The following LAMB1 variants were observed in gnomAD, a reference collection of about 807,000 sequenced individuals.
LAMB1 encodes the protein laminin subunit beta-1.
LAMB1 carries 121 observed loss-of-function variants against 222.3 expected under a neutral mutation model. The ratio of observed to expected loss-of-function variants is 0.54; its 90% CI spans 0.47 to 0.63. The LOEUF is 0.63. Ranked by LOEUF, LAMB1 falls within the 30% of genes least tolerant of loss-of-function variation. The probability of loss-of-function intolerance (pLI) is 0.00; values close to 1 mark genes in which losing one functional copy is unlikely to be tolerated. For missense variants in LAMB1, 2,172 were observed against 2,240.8 expected, an observed-to-expected ratio of 0.97 and a Z score of 0.62; for synonymous variants, 794 against 807.2, an observed-to-expected ratio of 0.98 and a Z score of 0.28.
chr7:107,955,374 G>T, intron 21 of LAMB1, 93 bp downstream of exon 21: 1 of 1,087,770 alleles, frequency 9.2e-7, no homozygotes, highest in Non-Finnish European at 1.3e-6. Context: ...AGACTTAATT[G>T]GTTCACTTTG....
At chr7:107,984,023 A>T (rs1278600886) in intron 7 of LAMB1, among the ~76,000 whole-genome samples, 2 of 152,220 alleles carry the variant, frequency 1.3e-5, no homozygotes, top group Non-Finnish European at 2.9e-5. Context: ...TTAAACGGAA[A>T]TGCAACCCTC....
At chr7:107,962,542 C>T (rs1051141537) in intron 15 of LAMB1, among the ~76,000 whole-genome samples, 2 of 151,906 alleles carry the variant, frequency 1.3e-5, no homozygotes, top group East Asian at 1.9e-4. Flanking sequence ...GGCGAAACCC[C>T]GTCTCTATTA....
chr7:107,982,172 G>A (rs1393873868), intron 7 of LAMB1, among the ~76,000 whole-genome samples: 1 of 152,190 alleles, frequency 6.6e-6, no homozygotes, highest in African/African-American at 2.4e-5. Flanking sequence ...CAAACGAAGA[G>A]CCATTCAACC....
In LAMB1 at chr7:107,923,815, GTACTT is replaced by G. The variant is rs1356891475; in HGVS notation, c.*131_*135del. The G allele has an allele frequency of 7.6e-6, 6 of 785,214 alleles. No homozygotes were observed. Among genetic ancestry groups the G allele is most frequent in the South Asian group, 3.8e-5 (2 of 52,158 alleles). 48.6% of individuals were successfully genotyped at this position (785,214 alleles called of 1,614,324 possible). A position where few individuals can be genotyped will look rare whatever the true frequency, so the allele number is the denominator to read the frequency against. Reference sequence around the variant, plus strand: ...ACACCAAAATATATACAAAAGCACTGTACTTTATTTAACTCCATACAAAATGTGAT... The same window carrying G: ...ACACCAAAATATATACAAAAGCACTGTATTTAACTCCATACAAAATGTGAT... On this transcript the variant is annotated 3_prime_UTR_variant, in exon 34 of 34. Coordinates refer to ENST00000222399, the MANE Select transcript of LAMB1 (RefSeq NM_002291.3).
At chr7:107,985,683 C>T (rs1356552253) in intron 7 of LAMB1, among the ~76,000 whole-genome samples, 1 of 151,400 alleles carries the variant, frequency 6.6e-6, no homozygotes, top group South Asian at 2.1e-4. Flanking sequence ...TTGGGTCAGG[C>T]GTGGTGGCTC....
chr7:108,000,519 G>T (rs947786519), intron 3 of LAMB1, among the ~76,000 whole-genome samples: 6 of 152,334 alleles, frequency 3.9e-5, no homozygotes, highest in African/African-American at 1.4e-4. Flanking sequence ...TTCTGCTTTT[G>T]TTAGAGGCCA....
chr7:107,946,318 T>G (rs1456462145), intron 24 of LAMB1, among the ~76,000 whole-genome samples: 1 of 152,258 alleles, frequency 6.6e-6, no homozygotes, highest in Non-Finnish European at 1.5e-5. Context: ...TTTTCCCTTT[T>G]TGGCCTCAGT....
intron 5 of LAMB1, among the ~76,000 whole-genome samples, chr7:107,989,754 G>C (rs2034145701): frequency 6.6e-6 from 1 of 152,098 alleles, no homozygotes; most frequent in African/African-American, 2.4e-5. Context: ...AGGTCTAATC[G>C]GACTTCTCTG....
Position 107,959,936 on chromosome 7 carries a change from G to C in LAMB1, c.2315-102C>G, listed in dbSNP as rs1293303743. The C allele has an allele frequency of 3.5e-6, 5 of 1,422,918 alleles. No individual in the cohort carries two copies. In the African/African-American group the frequency reaches 7.1e-5, roughly 20 times the overall value. The allele number at this position is 1,422,918 out of a possible 1,614,324, so 88.1% of individuals were successfully genotyped here. On this transcript the variant is annotated intron_variant, in intron 18 of 33. Coordinates refer to ENST00000222399, the MANE Select transcript of LAMB1 (RefSeq NM_002291.3). Reference sequence around the variant, plus strand: ...ACTACTTTGGATTATTCAGAGTTCTGGTTTAAAACAGTATCATCCCTATGA... The same window carrying C: ...ACTACTTTGGATTATTCAGAGTTCTCGTTTAAAACAGTATCATCCCTATGA...
intron 14 of LAMB1, among the ~76,000 whole-genome samples, chr7:107,964,266 G>C (rs926254684): frequency 6.6e-6 from 1 of 152,208 alleles, no homozygotes; most frequent in Non-Finnish European, 1.5e-5. Context: ...ATGCTAGGTT[G>C]ATAACTTTGG....
chr7:107,929,424 GCTT>G lies in LAMB1; in HGVS notation c.4730_4732del (p.Glu1577del), dbSNP rs1336466071. ...TGTCTTTAGATACCTTGCTCTTTTA[GCTT>G]CTTCTAACAACATCTCAGCTCTGGC... On this transcript the variant is annotated inframe_deletion, in exon 30 of 34. Transcript: ENST00000222399. 1.4e-5 allele frequency: 22 copies of G among 1,613,768 alleles called. No individual in the cohort carries two copies. The highest frequency in any genetic ancestry group is 2.2e-5 in the East Asian group (1 of 44,852).
chr7:107,927,772 GAA>G (rs1327007313), intron 31 of LAMB1, among the ~76,000 whole-genome samples: 2 of 152,160 alleles, frequency 1.3e-5, no homozygotes, highest in Non-Finnish European at 2.9e-5. Flanking sequence ...ATAGCCTGAA[GAA>G]AAAGTCTTAT....
intron 13 of LAMB1, among the ~76,000 whole-genome samples, chr7:107,964,907 C>T (rs2033598558): frequency 6.6e-6 from 1 of 152,220 alleles, no homozygotes; most frequent in South Asian, 2.1e-4. Flanking sequence ...TTTTACCTCC[C>T]TTGCCCTCTC....
At chr7:107,988,286 G>T (rs113309071) in intron 5 of LAMB1, among the ~76,000 whole-genome samples, 38 of 152,304 alleles carry the variant, frequency 2.5e-4, no homozygotes, top group African/African-American at 5.8e-4. Context: ...TTTGGTTGTA[G>T]GCTAATTAGT....
chr7:107,954,945 C>T (rs4727694), intron 21 of LAMB1, among the ~76,000 whole-genome samples: 94,811 of 152,062 alleles, frequency 0.62, 29,709 homozygotes, highest in East Asian at 0.83. Flanking sequence ...TAAACATAAT[C>T]AGTATTTGTA....
chr7:107,932,431 C>T, intron 27 of LAMB1, 54 bp from the exon 28 acceptor site: 1 of 1,579,516 alleles, frequency 6.3e-7, no homozygotes, highest in Non-Finnish European at 8.7e-7. Flanking sequence ...TCTGCTGCAG[C>T]AAAACAGCTG....
intron 5 of LAMB1, among the ~76,000 whole-genome samples, chr7:107,993,958 C>T (rs1364297435): frequency 6.6e-6 from 1 of 152,152 alleles, no homozygotes; most frequent in Non-Finnish European, 1.5e-5. Context: ...GACTCCCACA[C>T]CCACCCTAGC....
rs2033308129 is a variant in LAMB1 at position 107,953,609 on chromosome 7, G to A, written c.3000C>T (p.Cys1000=). The A allele has an allele frequency of 6.2e-7, 1 of 1,614,042 alleles. No homozygotes were observed. Among genetic ancestry groups the A allele is most frequent in the African/African-American group, 1.3e-5 (1 of 74,922 alleles). The change falls in exon 22 of 34, where the codon TGC becomes TGT. Residue 1000 remains cysteine, a synonymous_variant. Transcript: ENST00000222399. ...AGTGTTCCCCTTCCGTGTGGTACAG[G>A]CACTTGAGACACCTCCCAGTCTCCT... ...CDKETGRCLK[C]LYHTEGEHCQ...
chr7:107,962,905 C>T lies in LAMB1; in HGVS notation c.1857G>A (p.Gln619=), dbSNP rs750984748. Reference sequence around the variant, plus strand: ...CCAGTCCACTAAGTGGTTTCTTTACCTGTGGCTCGTAGCGAATTAGGATGT... The same window carrying T: ...CCAGTCCACTAAGTGGTTTCTTTACTTGTGGCTCGTAGCGAATTAGGATGT... ...EYDILIRYEP[Q]LPDHWEKAVI... The change falls in exon 15 of 34, where the codon CAG becomes CAA. Residue 619 remains glutamine, a splice_region_variant and synonymous_variant. Coordinates refer to ENST00000222399, the MANE Select transcript of LAMB1 (RefSeq NM_002291.3). 1 of 1,611,504 alleles carries T rather than the reference C, an allele frequency of 6.2e-7. No homozygotes were observed. The highest frequency in any genetic ancestry group is 1.1e-5 in the South Asian group (1 of 90,786).
Sources: allele counts gnomAD v4.1 joint callset (sites outside exome capture counted in the v4.1 genomes callset), GRCh38; gene constraint gnomAD v4.1.1; transcripts MANE v1.5; gene names NCBI Gene and HGNC (gene_info 2026-07-23, HGNC 2026-07-21).